Variants in NFKBIZ observed in about 807,000 individuals in gnomAD.
The protein encoded by NFKBIZ is NF-kappa-B inhibitor zeta.
Under a neutral mutation model 76.8 loss-of-function variants are expected in NFKBIZ, and 19 were observed. That is an observed-to-expected ratio of 0.25 (90% CI 0.17 to 0.36). The LOEUF is 0.36. Among genes scored for constraint, NFKBIZ ranks in the 10% least tolerant of loss-of-function variants. The pLI is 1.00. For synonymous variants in NFKBIZ, 368 were observed against 354.8 expected (o/e 1.04, Z -0.42); for missense variants, 829 against 910.9 (o/e 0.91, Z 1.16).
At chr3:101,838,677 T>C (rs1453303425) in intron 2 of NFKBIZ, among the ~76,000 whole-genome samples, 2 of 152,212 alleles carry the variant, frequency 1.3e-5, no homozygotes, top group Non-Finnish European at 2.9e-5. Flanking sequence ...AAAAGCAATT[T>C]TGGGGAGGTA....
At chr3:101,854,780 C>CATT in intron 6 of NFKBIZ, 97 bp downstream of exon 6, 4 of 791,410 alleles carry the variant, frequency 5.1e-6, no homozygotes, top group African/African-American at 1.9e-5. Context: ...AGCTCAAGAT[C>CATT]AAGAGAGTTT....
chr3:101,851,183 A>G (rs573333684), intron 1 of NFKBIZ, among the ~76,000 whole-genome samples: 8 of 152,358 alleles, frequency 5.3e-5, no homozygotes, highest in African/African-American at 1.9e-4. Context: ...TTATTTTTGT[A>G]CACTTGATGG....
In NFKBIZ at chr3:101,859,465, T is replaced by C; in HGVS notation, c.*94T>C. ...AGACCATTTGCCTTATATTGGCAAATGTAAGTTGTTTCTATGAAACAAACA... is the reference window on the plus strand; with the variant it reads ...AGACCATTTGCCTTATATTGGCAAACGTAAGTTGTTTCTATGAAACAAACA... On this transcript the variant is annotated 3_prime_UTR_variant, in exon 12 of 12. Transcript: ENST00000326172. The C allele has an allele frequency of 2.0e-6, 2 of 977,490 alleles. No homozygotes were observed. Among genetic ancestry groups the C allele is most frequent in the Non-Finnish European group, 3.2e-6 (2 of 618,780 alleles). The allele number at this position is 977,490 out of a possible 1,614,324, so 60.6% of individuals were successfully genotyped here.
intron 2 of NFKBIZ, among the ~76,000 whole-genome samples, chr3:101,832,092 G>C (rs1400957787): frequency 1.3e-5 from 2 of 151,796 alleles, no homozygotes; most frequent in East Asian, 3.9e-4. Flanking sequence ...GTTCTTTTTT[G>C]TTTCTTTCTT....
intron 9 of NFKBIZ, 150 bp downstream of exon 9, chr3:101,856,052 GA>G: frequency 1.6e-6 from 1 of 628,382 alleles, no homozygotes; most frequent in South Asian, 3.0e-5. Flanking sequence ...AAGAAGCCCA[GA>G]ATTTTTTTTT....
chr3:101,833,151 A>T (rs997195195), intron 2 of NFKBIZ, among the ~76,000 whole-genome samples: 6 of 152,220 alleles, frequency 3.9e-5, no homozygotes, highest in African/African-American at 1.4e-4. Flanking sequence ...CTTAGATTCC[A>T]TGTGGGTCAG....
At chr3:101,838,710 T>C (rs1390550247) in intron 2 of NFKBIZ, among the ~76,000 whole-genome samples, 2 of 152,192 alleles carry the variant, frequency 1.3e-5, no homozygotes, top group Non-Finnish European at 2.9e-5. Flanking sequence ...GAATAAATAA[T>C]TGTCATCAAC....
chr3:101,849,287 T>G (rs1410740675), upstream of NFKBIZ: 1 of 198,988 alleles, frequency 5.0e-6, no homozygotes, highest in African/African-American at 2.4e-5. Flanking sequence ...GGTTTCCCGG[T>G]GAAGGGCAGG....
chr3:101,857,425 T>C lies in NFKBIZ; in HGVS notation c.2069T>C (p.Val690Ala). The C allele has an allele frequency of 6.2e-7, 1 of 1,614,186 alleles. No homozygotes were observed. The highest frequency in any genetic ancestry group is 8.5e-7 in the Non-Finnish European group (1 of 1,180,040). The change falls in exon 11 of 12, where the codon GTG becomes GCG. Residue 690 changes from valine (V) to alanine (A), a missense_variant. By Grantham distance (64) the Val-to-Ala change is moderately conservative (BLOSUM62 0). Around this residue, in one of 4 missense-constraint regions of NFKBIZ, gnomAD observed 272 missense variants for 384.2 expected, o/e 0.71. Coordinates refer to ENST00000326172, the MANE Select transcript of NFKBIZ (RefSeq NM_031419.4). ...CGGAACTTGGAGAACGAACAGCCAG[T>C]GCATTTGGTTCCCGATGGCCCTGTG... ...STRNLENEQP[V>A]HLVPDGPVGE...
rs950679288 is a variant in NFKBIZ at position 101,830,634 on chromosome 3, G to A, written c.-12+946G>A. Among the ~76,000 whole-genome samples, 5 of 152,308 alleles carry A rather than the reference G, an allele frequency of 3.3e-5. No homozygotes were observed. In the South Asian group the frequency reaches 1.0e-3, roughly 32 times the overall value. ...GATAATGGCCTCCAGCTGCATCCAT[G>A]TTGCTGCAAAGGACATGATTCTATT... On this transcript the variant is annotated intron_variant, in intron 2 of 12. Coordinates refer to the NFKBIZ transcript ENST00000394054.
At chr3:101,831,181 C>G (rs536164642) in intron 2 of NFKBIZ, among the ~76,000 whole-genome samples, 67 of 152,250 alleles carry the variant, frequency 4.4e-4, no homozygotes, top group African/African-American at 1.6e-3. Context: ...GTAAATCATG[C>G]GTTCTTAGAG....
intron 2 of NFKBIZ, among the ~76,000 whole-genome samples, chr3:101,843,020 T>TAA (rs35824432): frequency 0.043 from 2,847 of 66,350 alleles, 310 homozygotes; most frequent in African/African-American, 0.15. Flanking sequence ...CTGTATTTTC[T>TAA]AAAAAAAAAA....
At chr3:101,831,297 A>G (rs907646491) in intron 2 of NFKBIZ, among the ~76,000 whole-genome samples, 19 of 152,260 alleles carry the variant, frequency 1.2e-4, no homozygotes, top group African/African-American at 4.3e-4. Flanking sequence ...TAATAGATAT[A>G]CAGTATATCT....
chr3:101,850,670 G>C (rs181478313), intron 1 of NFKBIZ, among the ~76,000 whole-genome samples: 7 of 152,310 alleles, frequency 4.6e-5, no homozygotes, highest in Non-Finnish European at 1.0e-4. Flanking sequence ...CTAGAAAAAC[G>C]CCTCGATAAT....
intron 2 of NFKBIZ, among the ~76,000 whole-genome samples, chr3:101,833,364 A>G (rs1445549190): frequency 1.3e-5 from 2 of 152,016 alleles, no homozygotes; most frequent in African/African-American, 4.8e-5. Context: ...CCCCTTCCAC[A>G]CCCATTCCCT....
chr3:101,842,007 T>C lies in NFKBIZ; in HGVS notation c.-11-10078T>C, dbSNP rs1245256960. Among the ~76,000 whole-genome samples, 8 of 152,320 alleles carry C rather than the reference T, an allele frequency of 5.3e-5. No homozygotes were observed. The East Asian group carries it at 1.5e-3, about 29-fold the overall frequency. The stretch of plus-strand genomic sequence containing the variant: ...TACTTGGCTATTGACAAGGGATACA[T>C]GTCTTGGGAGCTTATAGTGGAATAG... On this transcript the variant is annotated intron_variant, in intron 2 of 12. Transcript: ENST00000394054.
At chr3:101,837,128 GTGA>G in intron 2 of NFKBIZ, among the ~76,000 whole-genome samples, 1 of 152,244 alleles carries the variant, frequency 6.6e-6, no homozygotes, top group South Asian at 2.1e-4. Flanking sequence ...ATGGGATGGT[GTGA>G]TGAAGTCATA....
chr3:101,849,580 C>G lies in NFKBIZ; in HGVS notation c.-49C>G. ...CAGCCCGGGAGGCAGCCGCGCGCAG[C>G]GAGCCGGTGGCGCAGGTGTCGGGGT... On this transcript the variant is annotated 5_prime_UTR_variant, in exon 1 of 12. Transcript: ENST00000326172. 1 of 1,295,400 alleles carries G rather than the reference C, an allele frequency of 7.7e-7. No homozygotes were observed. The highest frequency in any genetic ancestry group is 9.8e-7 in the Non-Finnish European group (1 of 1,023,492). 80.2% of individuals were successfully genotyped at this position (1,295,400 alleles called of 1,614,324 possible). A position where few individuals can be genotyped will look rare whatever the true frequency, so the allele number is the denominator to read the frequency against.
At chr3:101,831,597 CT>C (rs1942648149) in intron 2 of NFKBIZ, among the ~76,000 whole-genome samples, 1 of 151,326 alleles carries the variant, frequency 6.6e-6, no homozygotes, top group East Asian at 1.9e-4. Context: ...TTTTCTCCTT[CT>C]CCTTCTTCTC....
Sources: allele counts gnomAD v4.1 joint callset (sites outside exome capture counted in the v4.1 genomes callset), GRCh38; gene constraint gnomAD v4.1.1; regional missense constraint gnomAD v4.1.1; transcripts MANE v1.5; gene names NCBI Gene and HGNC (gene_info 2026-07-23, HGNC 2026-07-21).